The following GALNTL6 variants were observed in gnomAD, a reference collection of about 807,000 sequenced individuals.
GALNTL6 encodes polypeptide N-acetylgalactosaminyltransferase-like 6.
Under a neutral mutation model 73.7 loss-of-function variants are expected in GALNTL6, and 46 were observed. The observed-to-expected ratio is 0.62, with a 90% confidence interval of 0.49 to 0.80. The LOEUF (loss-of-function observed/expected upper bound fraction) is 0.80. GALNTL6 is among the 30% of genes least tolerant of loss of function. GALNTL6 has a pLI of 0.00. For synonymous variants in GALNTL6, 259 were observed against 263.7 expected, an observed-to-expected ratio of 0.98 and a Z score of 0.17; for missense variants, 604 against 755.0, an observed-to-expected ratio of 0.80 and a Z score of 2.34.
chr4:172,787,823 T>G (rs1739746316), intron 5 of GALNTL6, among the ~76,000 whole-genome samples: 1 of 152,126 alleles, frequency 6.6e-6, no homozygotes. Context: ...CATTTTAGAA[T>G]GTGTGTTTGC....
At chr4:172,976,691 C>T (rs1722798230) in intron 10 of GALNTL6, among the ~76,000 whole-genome samples, 1 of 152,238 alleles carries the variant, frequency 6.6e-6, no homozygotes, top group South Asian at 2.1e-4. Context: ...ACTCCCCAGA[C>T]ACCTGTCCAC....
intron 7 of GALNTL6, among the ~76,000 whole-genome samples, chr4:172,825,071 G>A (rs1469614284): frequency 2.0e-5 from 1 of 50,936 alleles, no homozygotes. Flanking sequence ...TTTTTTTTTT[G>A]GTTATCTTTT....
intron 5 of GALNTL6, among the ~76,000 whole-genome samples, chr4:172,793,898 G>A (rs559621951): frequency 8.5e-5 from 13 of 152,240 alleles, no homozygotes; most frequent in African/African-American, 3.1e-4. Context: ...TATTCTTAGT[G>A]ACAGAAGTGA....
intron 5 of GALNTL6, among the ~76,000 whole-genome samples, chr4:172,500,763 C>T (rs922142666): frequency 1.3e-5 from 2 of 151,894 alleles, no homozygotes; most frequent in Non-Finnish European, 2.9e-5. Context: ...AGTACATCTG[C>T]ATGAGGCAAA....
intron 2 of GALNTL6, among the ~76,000 whole-genome samples, chr4:171,983,384 T>C (rs1010405510): frequency 3.3e-5 from 5 of 152,200 alleles, no homozygotes; most frequent in Non-Finnish European, 7.3e-5. Context: ...ACTTTCAGTA[T>C]CCACATAACC....
intron 9 of GALNTL6, among the ~76,000 whole-genome samples, chr4:172,938,047 A>C (rs1177304266): frequency 6.6e-6 from 1 of 152,236 alleles, no homozygotes; most frequent in Non-Finnish European, 1.5e-5. Context: ...TTCTTAGCAA[A>C]GTGTAACAAC....
intron 2 of GALNTL6, among the ~76,000 whole-genome samples, chr4:171,899,322 G>A (rs1488409290): frequency 1.3e-5 from 2 of 151,998 alleles, no homozygotes; most frequent in African/African-American, 2.4e-5. Context: ...AAGTATTTCA[G>A]TCTTCCTGTT....
intron 2 of GALNTL6, among the ~76,000 whole-genome samples, chr4:172,027,697 T>A (rs933354237): frequency 6.6e-6 from 1 of 152,118 alleles, no homozygotes; most frequent in Non-Finnish European, 1.5e-5. Context: ...CAAGCCAAGA[T>A]GGGCCAAAAG....
intron 2 of GALNTL6, among the ~76,000 whole-genome samples, chr4:171,827,956 G>T (rs1490321475): frequency 6.6e-6 from 1 of 151,914 alleles, no homozygotes; most frequent in Non-Finnish European, 1.5e-5. Context: ...TATAAAAAAA[G>T]TTATGTTACA....
chr4:172,389,210 ATAAT>A (rs1219963880), intron 5 of GALNTL6, among the ~76,000 whole-genome samples: 3 of 152,024 alleles, frequency 2.0e-5, no homozygotes, highest in African/African-American at 4.8e-5. Flanking sequence ...ACATTTAGTA[ATAAT>A]TAATTTATTA....
intron 5 of GALNTL6, chr4:172,545,812 T>C (rs1735724579): frequency 1.3e-5 from 2 of 152,172 alleles, no homozygotes; most frequent in East Asian, 3.9e-4. Context: ...GCTTTTTCCC[T>C]AAACTGTTTA....
chr4:172,242,755 G>A lies in GALNTL6; in HGVS notation c.247+12991G>A, dbSNP rs181197295. Among the ~76,000 whole-genome samples the A allele has an allele frequency of 2.2e-5, 3 of 134,900 alleles. No homozygotes were observed. In the East Asian group the frequency reaches 5.9e-4, roughly 26 times the overall value. The allele number at this position is 134,900 out of a possible 152,430, so 88.5% of individuals were successfully genotyped here. On this transcript the variant is annotated intron_variant, in intron 3 of 12. Coordinates refer to ENST00000506823, the MANE Select transcript of GALNTL6 (RefSeq NM_001034845.3). ...TTAAATGCCAAATACTATAGCTCTG[G>A]AAGGAAATTTTAGAAAAAAAATAAC...
At chr4:172,680,538 T>C (rs1428407271) in intron 5 of GALNTL6, among the ~76,000 whole-genome samples, 1 of 152,172 alleles carries the variant, frequency 6.6e-6, no homozygotes, top group African/African-American at 2.4e-5. Flanking sequence ...AGCAGCTGTA[T>C]GAATTTAGGC....
chr4:172,691,688 C>T (rs1216185791), intron 5 of GALNTL6, among the ~76,000 whole-genome samples: 1 of 152,170 alleles, frequency 6.6e-6, no homozygotes, highest in African/African-American at 2.4e-5. Context: ...CCAAGGCCAC[C>T]ACTTCTTCCT....
intron 2 of GALNTL6, among the ~76,000 whole-genome samples, chr4:171,838,745 A>G (rs985946876): frequency 2.6e-5 from 4 of 152,186 alleles, no homozygotes; most frequent in African/African-American, 9.6e-5. Flanking sequence ...GCAATATAAA[A>G]GACAAACATA....
At position 172,519,077 on chromosome 4, in the gene GALNTL6, T is replaced by C. The variant is rs192305295; in HGVS notation, c.553+170388T>C. Among the ~76,000 whole-genome samples the C allele has an allele frequency of 6.0e-5, 9 of 149,510 alleles. No homozygotes were observed. The East Asian group carries it at 1.6e-3, about 26-fold the overall frequency. ...TAAATTTTATTGTTCGAAGAATGTA[T>C]TTTAGAACTTATATGTATATACACA... On this transcript the variant is annotated intron_variant, in intron 5 of 12. Transcript: ENST00000506823.
chr4:172,602,675 A>G (rs1287899420), intron 5 of GALNTL6, among the ~76,000 whole-genome samples: 1 of 152,164 alleles, frequency 6.6e-6, no homozygotes, highest in Non-Finnish European at 1.5e-5. Context: ...GGGGGAAAAG[A>G]TTGGCAGCTT....
chr4:172,670,358 A>G (rs1410317131), intron 5 of GALNTL6, among the ~76,000 whole-genome samples: 1 of 151,870 alleles, frequency 6.6e-6, no homozygotes, highest in Non-Finnish European at 1.5e-5. Context: ...TTGGTGTGAG[A>G]TGGTATCTAA....
At chr4:171,992,852 G>T (rs1740379664) in intron 2 of GALNTL6, among the ~76,000 whole-genome samples, 1 of 152,026 alleles carries the variant, frequency 6.6e-6, no homozygotes, top group Non-Finnish European at 1.5e-5. Context: ...TGTATGTGCA[G>T]AAGTGTCTTA....
Sources: gnomAD v4.1 joint callset for allele counts (sites outside exome capture counted in the v4.1 genomes callset) on GRCh38, gnomAD v4.1.1 for gene constraint, MANE v1.5 for transcripts, NCBI Gene and HGNC (gene_info 2026-07-23, HGNC 2026-07-21) for gene names.